Variants in GRIK2 observed in about 807,000 individuals in gnomAD.
GRIK2 encodes the protein glutamate ionotropic receptor kainate type subunit 2.
A neutral mutation model predicts 100.3 loss-of-function variants in GRIK2; 32 were observed. The ratio of observed to expected loss-of-function variants is 0.32; its 90% CI spans 0.24 to 0.43. The LOEUF (loss-of-function observed/expected upper bound fraction) is 0.43. Among genes scored for constraint, GRIK2 ranks in the 20% least tolerant of loss-of-function variants. The probability of loss-of-function intolerance (pLI) is 1.00; values close to 1 mark genes in which losing one functional copy is unlikely to be tolerated. For missense variants in GRIK2, 843 were observed against 1,114.9 expected (o/e 0.76, Z 3.47); for synonymous variants, 417 against 389.4 (o/e 1.07, Z -0.83).
At chr6:101,464,016 CA>C (rs1771482374) in intron 2 of GRIK2, among the ~76,000 whole-genome samples, 1 of 151,926 alleles carries the variant, frequency 6.6e-6, no homozygotes, top group Non-Finnish European at 1.5e-5. Context: ...AGTAAATCTC[CA>C]AAAGAAAAAA....
At chr6:101,970,168 C>A (rs1432239764) in intron 14 of GRIK2, among the ~76,000 whole-genome samples, 1 of 151,720 alleles carries the variant, frequency 6.6e-6, no homozygotes, top group Non-Finnish European at 1.5e-5. Context: ...AAAAAATAAA[C>A]CAATCAATCA....
intron 7 of GRIK2, among the ~76,000 whole-genome samples, chr6:101,788,375 A>G (rs148014207): frequency 0.045 from 6,866 of 151,444 alleles, 189 homozygotes; most frequent in Non-Finnish European, 0.057. Flanking sequence ...CCACCCCACA[A>G]TAGTACCCAG....
chr6:101,930,614 G>T (rs941915902), intron 14 of GRIK2, among the ~76,000 whole-genome samples: 7 of 151,858 alleles, frequency 4.6e-5, no homozygotes, highest in Admixed American at 1.3e-4. Context: ...TTGTTTTAAA[G>T]TTCAAATATA....
intron 11 of GRIK2, among the ~76,000 whole-genome samples, chr6:101,877,571 A>C (rs1785946459): frequency 6.6e-6 from 1 of 152,018 alleles, no homozygotes; most frequent in Non-Finnish European, 1.5e-5. Context: ...ACAGATGACT[A>C]TACAAATATG....
At chr6:101,521,342 CAATT>C (rs1461833199) in intron 2 of GRIK2, among the ~76,000 whole-genome samples, 1 of 151,826 alleles carries the variant, frequency 6.6e-6, no homozygotes, top group Non-Finnish European at 1.5e-5. Flanking sequence ...ACTATTAAGA[CAATT>C]AACTTTATAA....
intron 4 of GRIK2, among the ~76,000 whole-genome samples, chr6:101,637,707 G>T (rs1231891899): frequency 6.6e-6 from 1 of 152,088 alleles, no homozygotes. Flanking sequence ...AAAACGAATT[G>T]TTCCTCGGCA....
At chr6:101,656,638 A>C (rs1360245903) in intron 4 of GRIK2, among the ~76,000 whole-genome samples, 1 of 152,194 alleles carries the variant, frequency 6.6e-6, no homozygotes, top group African/African-American at 2.4e-5. Context: ...TGTGAAATTA[A>C]CACATAATGA....
intron 14 of GRIK2, among the ~76,000 whole-genome samples, chr6:102,012,180 A>G (rs538198063): frequency 1.3e-5 from 2 of 152,086 alleles, no homozygotes; most frequent in South Asian, 4.2e-4. Context: ...CTTCTGGTCT[A>G]TTTATTTTGT....
At chr6:101,443,892 T>C (rs1770221684) in intron 2 of GRIK2, among the ~76,000 whole-genome samples, 1 of 151,960 alleles carries the variant, frequency 6.6e-6, no homozygotes, top group East Asian at 1.9e-4. Context: ...ATTTTATTTT[T>C]TATTTTTTTC....
chr6:102,030,327 T>A (rs1035610562), intron 14 of GRIK2, among the ~76,000 whole-genome samples: 15 of 151,414 alleles, frequency 9.9e-5, no homozygotes, highest in Middle Eastern at 6.8e-3. Context: ...ATCTCTTCAA[T>A]CTTTTAAAAT....
At chr6:101,788,560 A>G (rs1779597659) in intron 7 of GRIK2, among the ~76,000 whole-genome samples, 1 of 152,190 alleles carries the variant, frequency 6.6e-6, no homozygotes, top group South Asian at 2.1e-4. Flanking sequence ...TTATGGCTGC[A>G]TAGTATTCCA....
intron 2 of GRIK2, among the ~76,000 whole-genome samples, chr6:101,553,110 A>G (rs892231517): frequency 6.6e-6 from 1 of 152,204 alleles, no homozygotes; most frequent in Non-Finnish European, 1.5e-5. Flanking sequence ...TAAGAAGCTC[A>G]CATTTTTAGA....
intron 4 of GRIK2, among the ~76,000 whole-genome samples, chr6:101,635,049 T>C (rs1479582938): frequency 6.6e-6 from 1 of 152,048 alleles, no homozygotes; most frequent in African/African-American, 2.4e-5. Context: ...GACACTAATT[T>C]TTGAATAAGA....
chr6:101,442,827 A>G (rs1440128176), intron 2 of GRIK2, among the ~76,000 whole-genome samples: 3 of 152,126 alleles, frequency 2.0e-5, no homozygotes, highest in African/African-American at 2.4e-5. Flanking sequence ...ATTTGTTCTG[A>G]GGGTGGCGGT....
intron 2 of GRIK2, among the ~76,000 whole-genome samples, chr6:101,565,761 C>A (rs913849215): frequency 6.6e-6 from 1 of 151,596 alleles, no homozygotes; most frequent in African/African-American, 2.4e-5. Flanking sequence ...GTTGAAAATT[C>A]ATGTATAACT....
chr6:101,512,942 T>TG (rs1304516549), intron 2 of GRIK2, among the ~76,000 whole-genome samples: 1 of 151,940 alleles, frequency 6.6e-6, no homozygotes, highest in African/African-American at 2.4e-5. Flanking sequence ...ACTATTTTCT[T>TG]GCTTTGCTGT....
intron 14 of GRIK2, among the ~76,000 whole-genome samples, chr6:101,938,723 G>A (rs1790767907): frequency 6.6e-6 from 1 of 152,052 alleles, no homozygotes; most frequent in Non-Finnish European, 1.5e-5. Flanking sequence ...TACATGAAGA[G>A]TGTGTTCTGT....
intron 11 of GRIK2, among the ~76,000 whole-genome samples, chr6:101,887,503 T>A (rs1442827554): frequency 1.3e-5 from 2 of 152,126 alleles, no homozygotes; most frequent in Admixed American, 1.3e-4. Flanking sequence ...TGTTCATTTT[T>A]TACCTGAAGT....
intron 14 of GRIK2, among the ~76,000 whole-genome samples, chr6:102,030,587 A>C (rs1025238188): frequency 2.0e-5 from 3 of 151,160 alleles, no homozygotes; most frequent in Admixed American, 6.6e-5. Context: ...CATTGTTTGT[A>C]GTTTTCTAGC....
Sources: allele counts gnomAD v4.1 joint callset (sites outside exome capture counted in the v4.1 genomes callset), GRCh38; gene constraint gnomAD v4.1.1; transcripts MANE v1.5; gene names NCBI Gene and HGNC (gene_info 2026-07-23, HGNC 2026-07-21).